ASPH: variants seen among roughly 807,000 people sequenced by gnomAD.
The protein encoded by ASPH is aspartyl/asparaginyl beta-hydroxylase.
In ASPH, 100 loss-of-function variants were observed where a neutral mutation model predicts 118.4. That is an observed-to-expected ratio of 0.84 (90% CI 0.72 to 1.00). The LOEUF (loss-of-function observed/expected upper bound fraction) is 1.00, where lower values mean the gene tolerates loss of function less well. Ranked by LOEUF, ASPH falls within the 50% of genes least tolerant of loss-of-function variation. The pLI is 0.00. For synonymous variants in ASPH, 315 were observed against 325.6 expected (o/e 0.97, Z 0.35); for missense variants, 920 against 919.5 (o/e 1.00, Z -0.01).
At chr8:61,564,450 C>T (rs1010843276) in intron 17 of ASPH, among the ~76,000 whole-genome samples, 4 of 152,096 alleles carry the variant, frequency 2.6e-5, no homozygotes, top group African/African-American at 4.8e-5. Flanking sequence ...AGGTGCCCGC[C>T]ACTATGCCCG....
chr8:61,667,654 C>T (rs1393301515), intron 3 of ASPH, among the ~76,000 whole-genome samples: 2 of 152,170 alleles, frequency 1.3e-5, no homozygotes, highest in Non-Finnish European at 2.9e-5. Flanking sequence ...CGTGAGCCAC[C>T]GTGCCCGGAC....
At position 61,691,060 on chromosome 8, in the gene ASPH, T is replaced by C. The variant is rs1484505312; in HGVS notation, c.104-6872A>G. 2.6e-5 allele frequency among the ~76,000 whole-genome samples: 4 copies of C among 152,224 alleles called. No individual in the cohort carries two copies. In the East Asian group the frequency reaches 7.7e-4, roughly 29 times the overall value. On this transcript the variant is annotated intron_variant, in intron 1 of 24. Coordinates refer to ENST00000379454, the MANE Select transcript of ASPH (RefSeq NM_004318.4). Reference sequence around the variant, plus strand: ...GTATTATTAACCTTACTACTATTGATATTTACTAGTTCCAAAAAGGAACAA... The same window carrying C: ...GTATTATTAACCTTACTACTATTGACATTTACTAGTTCCAAAAAGGAACAA...
At chr8:61,691,566 A>C (rs1832651079) in intron 1 of ASPH, among the ~76,000 whole-genome samples, 3 of 152,154 alleles carry the variant, frequency 2.0e-5, no homozygotes, top group Admixed American at 2.0e-4. Context: ...TTGTTTTTGG[A>C]GGGAGAATGA....
chr8:61,618,711 A>G (rs576641332), intron 14 of ASPH, among the ~76,000 whole-genome samples: 1 of 152,342 alleles, frequency 6.6e-6, no homozygotes, highest in East Asian at 1.9e-4. Context: ...AAACTGAGGC[A>G]CAAAAGTTAA....
chr8:61,713,359 G>C (rs1360288355), intron 1 of ASPH, among the ~76,000 whole-genome samples: 1 of 152,162 alleles, frequency 6.6e-6, no homozygotes, highest in African/African-American at 2.4e-5. Flanking sequence ...GTGCTATAAA[G>C]AAAATACTTC....
intron 21 of ASPH, among the ~76,000 whole-genome samples, chr8:61,534,074 T>G (rs1026675983): frequency 4.6e-5 from 7 of 152,060 alleles, no homozygotes; most frequent in African/African-American, 1.7e-4. Context: ...CAGCCTCCTG[T>G]GTAGCTGGGA....
intron 1 of ASPH, among the ~76,000 whole-genome samples, chr8:61,701,145 A>G (rs1311604351): frequency 6.6e-6 from 1 of 152,180 alleles, no homozygotes; most frequent in Non-Finnish European, 1.5e-5. Flanking sequence ...GTCTGCCACA[A>G]CTGAAAGATA....
chr8:61,642,385 T>A (rs893203684), intron 10 of ASPH, among the ~76,000 whole-genome samples: 4 of 152,226 alleles, frequency 2.6e-5, no homozygotes, highest in Admixed American at 1.3e-4. Context: ...GTAAAGAGTT[T>A]AAGAAATTAT....
chr8:61,504,527 T>G (rs1443483761), intron 24 of ASPH, among the ~76,000 whole-genome samples: 1 of 152,132 alleles, frequency 6.6e-6, no homozygotes, highest in East Asian at 1.9e-4. Context: ...GGTGATTAAC[T>G]AATATAAACT....
chr8:61,523,068 T>C (rs1012530170), intron 22 of ASPH, among the ~76,000 whole-genome samples: 1 of 152,160 alleles, frequency 6.6e-6, no homozygotes, highest in East Asian at 1.9e-4. Context: ...GCAGCATGAT[T>C]TGCTAACTAG....
chr8:61,624,431 A>G, intron 13 of ASPH: 1 of 984,664 alleles, frequency 1.0e-6, no homozygotes, highest in South Asian at 4.7e-5. Flanking sequence ...GATTTTAGTT[A>G]TCAAAAATGC....
At chr8:61,575,459 T>C (rs963111535) in intron 16 of ASPH, among the ~76,000 whole-genome samples, 1 of 152,162 alleles carries the variant, frequency 6.6e-6, no homozygotes, top group Non-Finnish European at 1.5e-5. Context: ...AGAAAGCATA[T>C]ACATTGGACT....
In ASPH at chr8:61,683,578, C is replaced by T. The variant is rs530282623; in HGVS notation, c.253+461G>A. 297 of 154,318 alleles carry T rather than the reference C, an allele frequency of 1.9e-3. 1 individual carries two copies. The highest frequency in any genetic ancestry group is 3.0e-3 in the Admixed American group (48 of 15,760). The allele number at this position is 154,318 out of a possible 1,614,324, so 9.6% of individuals were successfully genotyped here. On this transcript the variant is annotated intron_variant, in intron 2 of 24. Transcript: ENST00000379454. The stretch of plus-strand genomic sequence containing the variant: ...CAGTACCTATATGTGTGCACACGTA[C>T]TCATCCCATCCCAACAGAGACACAG...
At chr8:61,535,763 T>C (rs926923169) in intron 21 of ASPH, among the ~76,000 whole-genome samples, 1 of 152,226 alleles carries the variant, frequency 6.6e-6, no homozygotes, top group Non-Finnish European at 1.5e-5. Flanking sequence ...AACATGCCTA[T>C]ACTCTAAACA....
intron 21 of ASPH, among the ~76,000 whole-genome samples, chr8:61,528,497 T>C (rs918179823): frequency 2.6e-5 from 4 of 152,212 alleles, no homozygotes; most frequent in African/African-American, 9.7e-5. Context: ...AGGTTATTGG[T>C]GCCTTATAAG....
chr8:61,652,697 A>T (rs1811650493), intron 4 of ASPH, among the ~76,000 whole-genome samples: 1 of 152,212 alleles, frequency 6.6e-6, no homozygotes, highest in Non-Finnish European at 1.5e-5. Context: ...ATCCAAACAC[A>T]CATTAAATTA....
intron 19 of ASPH, among the ~76,000 whole-genome samples, chr8:61,555,270 T>C (rs4305897): frequency 0.3 from 46,065 of 151,754 alleles, 9,370 homozygotes; most frequent in African/African-American, 0.58. Flanking sequence ...TGTGTATATA[T>C]ATATTTTATT....
chr8:61,675,287 A>T, intron 3 of ASPH: 2 of 902,174 alleles, frequency 2.2e-6, no homozygotes, highest in Non-Finnish European at 2.7e-6. Flanking sequence ...AATATGTACA[A>T]CATTAAGATA....
chr8:61,514,500 G>C lies in ASPH; in HGVS notation c.2126+3028C>G, dbSNP rs142901375. Among the ~76,000 whole-genome samples the C allele has an allele frequency of 8.0e-3, 1,216 of 152,116 alleles. 10 individuals are homozygous for C. Among genetic ancestry groups the C allele is most frequent in the African/African-American group, 0.028 (1,165 of 41,496 alleles). ...AGGCCCAGGCAGATCACAAGGTCAG[G>C]AGATCGAGACCATCCTGGCTAACAC... On this transcript the variant is annotated intron_variant, in intron 24 of 24. Coordinates refer to ENST00000379454, the MANE Select transcript of ASPH (RefSeq NM_004318.4).
Sources: allele counts gnomAD v4.1 joint callset (sites outside exome capture counted in the v4.1 genomes callset), GRCh38; gene constraint gnomAD v4.1.1; transcripts MANE v1.5; gene names NCBI Gene and HGNC (gene_info 2026-07-23, HGNC 2026-07-21).